CAMK2B: variants seen among roughly 807,000 people sequenced by gnomAD.
CAMK2B encodes calcium/calmodulin dependent protein kinase II beta, also known as calcium/calmodulin-dependent protein kinase type II subunit beta.
In CAMK2B, 27 loss-of-function variants were observed where a neutral mutation model predicts 93.7. The ratio of observed to expected loss-of-function variants is 0.29; its 90% confidence interval spans 0.21 to 0.40. The LOEUF (loss-of-function observed/expected upper bound fraction) is 0.40. Ranked by LOEUF, CAMK2B falls within the 10% of genes least tolerant of loss-of-function variation. The pLI is 1.00. For missense variants in CAMK2B, 568 were observed against 895.8 expected (o/e 0.63, Z 4.67); for synonymous variants, 374 against 358.8 (o/e 1.04, Z -0.48).
In CAMK2B at chr7:44,304,453, C is replaced by T. The variant is rs373643050; in HGVS notation, c.66-20228G>A. Among the ~76,000 whole-genome samples the T allele has an allele frequency of 6.6e-4, 100 of 152,268 alleles. 2 individuals are homozygous for T. In the East Asian group the frequency reaches 7.7e-3, roughly 12 times the overall value. On this transcript the variant is annotated intron_variant, in intron 1 of 23. Coordinates refer to ENST00000395749, the MANE Select transcript of CAMK2B (RefSeq NM_001220.5). Reference sequence around the variant, plus strand: ...GCTACACAAAGACAGGTTCCTCCTCCCACTTAAGGAGGAAACTTAAGTGGC... The same window carrying T: ...GCTACACAAAGACAGGTTCCTCCTCTCACTTAAGGAGGAAACTTAAGTGGC...
intron 5 of CAMK2B, among the ~76,000 whole-genome samples, chr7:44,251,413 T>G (rs1401116484): frequency 2.0e-5 from 3 of 151,924 alleles, no homozygotes; most frequent in Non-Finnish European, 4.4e-5. Flanking sequence ...AAAGCCACCG[T>G]GGCCCCAGGC....
chr7:44,285,773 A>C (rs1435815013), intron 1 of CAMK2B, among the ~76,000 whole-genome samples: 3 of 140,356 alleles, frequency 2.1e-5, no homozygotes, highest in African/African-American at 7.8e-5. Context: ...GGGCTGCCTC[A>C]GGAGATGTGG....
At chr7:44,308,413 T>C (rs1232605094) in intron 1 of CAMK2B, among the ~76,000 whole-genome samples, 3 of 152,014 alleles carry the variant, frequency 2.0e-5, no homozygotes, top group Non-Finnish European at 2.9e-5. Context: ...CCCAGCATGG[T>C]GTCCTGCTCC....
chr7:44,273,699 C>A (rs746992271), intron 2 of CAMK2B, among the ~76,000 whole-genome samples: 27 of 152,356 alleles, frequency 1.8e-4, no homozygotes, highest in Admixed American at 9.8e-4. Flanking sequence ...GGGTCCTACT[C>A]TCAAAAATAA....
chr7:44,249,675 C>T (rs769824404), intron 5 of CAMK2B, among the ~76,000 whole-genome samples: 3 of 152,164 alleles, frequency 2.0e-5, no homozygotes, highest in Admixed American at 6.5e-5. Flanking sequence ...CCAGGAAGTG[C>T]CACCTCCCGG....
At chr7:44,232,664 C>T (rs1471657736) in intron 16 of CAMK2B, among the ~76,000 whole-genome samples, 158 bp downstream of exon 16, 1 of 151,892 alleles carries the variant, frequency 6.6e-6, no homozygotes, top group Admixed American at 6.6e-5. Flanking sequence ...CCTGTTGTTG[C>T]CCACGAAGAC....
chr7:44,324,869 G>A (rs1462573039), intron 1 of CAMK2B, among the ~76,000 whole-genome samples: 1 of 152,108 alleles, frequency 6.6e-6, no homozygotes, highest in Admixed American at 6.5e-5. Flanking sequence ...GCCACGCGCA[G>A]GAGCAGGCGC....
At chr7:44,236,885 C>T (rs78185111) in intron 13 of CAMK2B, among the ~76,000 whole-genome samples, 8,720 of 152,288 alleles carry the variant, frequency 0.057, 320 homozygotes, top group South Asian at 0.1. Context: ...CTCCTAGGAG[C>T]CTGAGGAAGG....
intron 13 of CAMK2B, among the ~76,000 whole-genome samples, chr7:44,237,521 G>A (rs528815959): frequency 6.6e-6 from 1 of 152,310 alleles, no homozygotes; most frequent in East Asian, 1.9e-4. Flanking sequence ...ACAATCGCTT[G>A]TGCACGCCTT....
chr7:44,223,790 C>T (rs184353044), intron 20 of CAMK2B, among the ~76,000 whole-genome samples: 51 of 152,160 alleles, frequency 3.4e-4, no homozygotes, highest in Non-Finnish European at 5.7e-4. Context: ...CTGGCTCTGC[C>T]CTCCTTGCAT....
intron 4 of CAMK2B, among the ~76,000 whole-genome samples, chr7:44,258,317 G>T (rs562748936): frequency 1.3e-5 from 2 of 152,102 alleles, no homozygotes; most frequent in African/African-American, 4.8e-5. Context: ...ACCTCCACAC[G>T]CTCACTCATA....
At chr7:44,257,590 C>T (rs1195150857) in intron 4 of CAMK2B, among the ~76,000 whole-genome samples, 1 of 152,252 alleles carries the variant, frequency 6.6e-6, no homozygotes, top group Non-Finnish European at 1.5e-5. Context: ...GGTGTGGCAG[C>T]AAGCCTGCCA....
intron 1 of CAMK2B, among the ~76,000 whole-genome samples, chr7:44,285,845 G>A (rs1380460765): frequency 2.1e-5 from 2 of 93,948 alleles, no homozygotes; most frequent in African/African-American, 4.0e-5. Flanking sequence ...GCGCGGTGTG[G>A]GGGGGACACG....
intron 4 of CAMK2B, among the ~76,000 whole-genome samples, chr7:44,258,529 C>T (rs1379083126): frequency 1.3e-5 from 2 of 152,222 alleles, no homozygotes; most frequent in African/African-American, 4.8e-5. Flanking sequence ...GATGAGGGCA[C>T]CAAGGAAAGG....
chr7:44,247,889 G>A (rs910603168), intron 5 of CAMK2B, among the ~76,000 whole-genome samples: 5 of 152,168 alleles, frequency 3.3e-5, no homozygotes, highest in African/African-American at 1.2e-4. Context: ...TTAGCTGGGT[G>A]TGGTGGTGGG....
At chr7:44,316,322 T>C (rs1231862303) in intron 1 of CAMK2B, among the ~76,000 whole-genome samples, 3 of 152,246 alleles carry the variant, frequency 2.0e-5, no homozygotes, top group East Asian at 1.9e-4. Flanking sequence ...TGGTGTATTA[T>C]ATAGATTGAT....
chr7:44,305,427 T>C (rs2115626354), intron 1 of CAMK2B, among the ~76,000 whole-genome samples: 1 of 152,224 alleles, frequency 6.6e-6, no homozygotes, highest in Admixed American at 6.5e-5. Flanking sequence ...AAGGTTACAG[T>C]GAGTTATGAT....
At chr7:44,231,369 C>T (rs1302164813) in intron 16 of CAMK2B, among the ~76,000 whole-genome samples, 1 of 152,178 alleles carries the variant, frequency 6.6e-6, no homozygotes, top group African/African-American at 2.4e-5. Flanking sequence ...GCACGGAGTC[C>T]GAGGCCGGCC....
In CAMK2B at chr7:44,239,606, A is replaced by T. The variant is rs1158204114; in HGVS notation, c.1004T>A (p.Met335Lys). ...ACATCTACCTTGTTCCACCAGCCCC[A>T]TGGTGGTGCCGGAGGCCGCGGTGGA... ...TMSTAASGTT[M>K]GLVEQAKSLL... is the part of the protein sequence containing the mutation. The change falls in exon 13 of 24, where the codon ATG becomes AAG. Residue 335 changes from methionine (M) to lysine (K), a missense_variant. Met to Lys is a moderately conservative substitution (Grantham distance 95). Around this residue, in one of 4 missense-constraint regions of CAMK2B, gnomAD observed 308 missense variants for 292.1 expected, o/e 1.05. Transcript: ENST00000395749. The T allele has an allele frequency of 8.8e-6, 13 of 1,484,386 alleles. No individual in the cohort carries two copies. Among genetic ancestry groups the T allele is most frequent in the Non-Finnish European group, 1.1e-5 (12 of 1,105,892 alleles). The allele number at this position is 1,484,386 out of a possible 1,614,324, so 92.0% of individuals were successfully genotyped here.
Sources: gnomAD v4.1 joint callset for allele counts (sites outside exome capture counted in the v4.1 genomes callset) on GRCh38, gnomAD v4.1.1 for gene constraint, gnomAD v4.1.1 regional missense constraint, MANE v1.5 for transcripts, NCBI Gene and HGNC (gene_info 2026-07-23, HGNC 2026-07-21) for gene names.